C1QTNF9: variants seen among roughly 807,000 people sequenced by gnomAD.
C1QTNF9 encodes the protein C1q and TNF related 9.
In C1QTNF9, 6 loss-of-function variants were observed where a neutral mutation model predicts 10.1. That is an observed-to-expected ratio of 0.59 (90% CI 0.32 to 1.17). The LOEUF is 1.17. Ranked by LOEUF, C1QTNF9 falls within the 50% of genes most tolerant of loss-of-function variation. The pLI is 0.04. For missense variants in C1QTNF9, 201 were observed against 418.8 expected (o/e 0.48, Z 4.54); for synonymous variants, 98 against 163.5 (o/e 0.60, Z 3.06).
chr13:24,318,251 C>T (rs1396776809), intron 2 of C1QTNF9, among the ~76,000 whole-genome samples: 1 of 152,186 alleles, frequency 6.6e-6, no homozygotes, highest in Non-Finnish European at 1.5e-5. Context: ...GCCCCACTCA[C>T]CTGATGTTCT....
intron 1 of C1QTNF9, among the ~76,000 whole-genome samples, chr13:24,313,199 A>G (rs1406994626): frequency 6.6e-6 from 1 of 152,196 alleles, no homozygotes; most frequent in Non-Finnish European, 1.5e-5. Context: ...AATCAAAATC[A>G]TTTGCTGAAG....
At chr13:24,313,178 G>T (rs1007699856) in intron 1 of C1QTNF9, among the ~76,000 whole-genome samples, 1 of 152,140 alleles carries the variant, frequency 6.6e-6, no homozygotes, top group Non-Finnish European at 1.5e-5. Flanking sequence ...TTGGGAGAAC[G>T]CATATTAGTT....
intron 1 of C1QTNF9, among the ~76,000 whole-genome samples, chr13:24,313,963 C>T (rs1230533884): frequency 3.9e-5 from 6 of 152,306 alleles, no homozygotes; most frequent in Middle Eastern, 3.4e-3. Flanking sequence ...CAGTTACATA[C>T]TATTACACAT....
At chr13:24,318,199 G>A (rs1260500307) in intron 2 of C1QTNF9, among the ~76,000 whole-genome samples, 1 of 152,122 alleles carries the variant, frequency 6.6e-6, no homozygotes, top group Non-Finnish European at 1.5e-5. Context: ...GGAGCTCAGG[G>A]GGGCCTGTTC....
chr13:24,311,879 C>G (rs1387749208), intron 1 of C1QTNF9, among the ~76,000 whole-genome samples: 1 of 152,154 alleles, frequency 6.6e-6, no homozygotes, highest in African/African-American at 2.4e-5. Context: ...CACACCCCCC[C>G]ACAGGAAGCG....
chr13:24,315,610 A>G, intron 1 of C1QTNF9: 1 of 297,550 alleles, frequency 3.4e-6, no homozygotes, highest in African/African-American at 2.1e-5. Context: ...ATGTGCCTTT[A>G]TGCATATCGT....
intron 3 of C1QTNF9, among the ~76,000 whole-genome samples, chr13:24,320,590 G>A (rs569358785): frequency 2.6e-5 from 4 of 152,282 alleles, no homozygotes; most frequent in African/African-American, 9.6e-5. Context: ...TGGCCATGTT[G>A]CCTAGGCTGA....
At chr13:24,313,454 G>C (rs1017770578) in intron 1 of C1QTNF9, among the ~76,000 whole-genome samples, 1 of 152,192 alleles carries the variant, frequency 6.6e-6, no homozygotes, top group African/African-American at 2.4e-5. Context: ...AACAAAGTTT[G>C]GTTGATGGAA....
chr13:24,313,426 G>A (rs1236175008), intron 1 of C1QTNF9, among the ~76,000 whole-genome samples: 1 of 152,136 alleles, frequency 6.6e-6, no homozygotes, highest in Non-Finnish European at 1.5e-5. Flanking sequence ...AAGTTAAAAT[G>A]AAAATTATAG....
At chr13:24,315,989 T>A in exon 2 of C1QTNF9, 1 of 1,613,550 alleles carries the variant, frequency 6.2e-7, no homozygotes, top group Non-Finnish European at 8.5e-7. Context: ...CAGTTCAGAG[T>A]CTGTCATCTG....
chr13:24,312,761 C>T (rs537896681), intron 1 of C1QTNF9, among the ~76,000 whole-genome samples: 2 of 151,946 alleles, frequency 1.3e-5, no homozygotes, highest in East Asian at 1.9e-4. Context: ...TCGAGACCAT[C>T]CTGGCTAACA....
intron 3 of C1QTNF9, among the ~76,000 whole-genome samples, chr13:24,319,470 T>C (rs895611028): frequency 7.2e-5 from 11 of 151,890 alleles, no homozygotes; most frequent in Admixed American, 6.6e-4. Flanking sequence ...GCCTGGGAGG[T>C]TGGGGCTGCC....
intron 1 of C1QTNF9, among the ~76,000 whole-genome samples, chr13:24,310,687 G>A (rs1212924893): frequency 1.3e-5 from 2 of 151,464 alleles, no homozygotes; most frequent in Admixed American, 6.6e-5. Flanking sequence ...GCTGAGGCGG[G>A]TGGATCATGA....
At chr13:24,308,140 C>T (rs887783804), upstream of C1QTNF9, among the ~76,000 whole-genome samples, 6 of 152,238 alleles carry the variant, frequency 3.9e-5, no homozygotes, top group African/African-American at 1.4e-4. Flanking sequence ...CGGTGGAGGC[C>T]CGAGGCTGTG....
intron 3 of C1QTNF9, 151 bp from the exon 4 acceptor site, chr13:24,320,845 C>G: frequency 3.1e-6 from 2 of 647,662 alleles, no homozygotes; most frequent in East Asian, 6.0e-5. Flanking sequence ...GCCACTGCAC[C>G]CAGATGGAGT....
chr13:24,320,512 G>A (rs1284376977), intron 3 of C1QTNF9, among the ~76,000 whole-genome samples: 2 of 152,134 alleles, frequency 1.3e-5, no homozygotes, highest in Admixed American at 6.5e-5. Context: ...AGCCTCCTGA[G>A]TATCTGGAAC....
chr13:24,319,870 T>C (rs1878181999), intron 3 of C1QTNF9, among the ~76,000 whole-genome samples: 1 of 152,192 alleles, frequency 6.6e-6, no homozygotes, highest in South Asian at 2.1e-4. Context: ...GTAGTTTTAT[T>C]ACCCTAGTTC....
chr13:24,314,287 A>G (rs1220482613), intron 1 of C1QTNF9, among the ~76,000 whole-genome samples: 1 of 151,906 alleles, frequency 6.6e-6, no homozygotes, highest in African/African-American at 2.4e-5. Context: ...AGCCTGTAAT[A>G]CTAGCACTTT....
intron 2 of C1QTNF9, 102 bp downstream of exon 2, chr13:24,316,271 C>A (rs1382822048): frequency 4.0e-6 from 6 of 1,491,764 alleles, no homozygotes; most frequent in Non-Finnish European, 5.5e-6. Context: ...CACTCACACC[C>A]CATCCATCCA....
Sources: allele counts gnomAD v4.1 joint callset (sites outside exome capture counted in the v4.1 genomes callset), GRCh38; gene constraint gnomAD v4.1.1; transcripts MANE v1.5; gene names NCBI Gene and HGNC (gene_info 2026-07-23, HGNC 2026-07-21).